Variants in ADGRL2 observed in about 807,000 individuals in gnomAD.
ADGRL2 encodes the protein adhesion G protein-coupled receptor L2.
Under a neutral mutation model 157.4 loss-of-function variants are expected in ADGRL2, and 44 were observed. The observed-to-expected ratio is 0.28, with a 90% CI of 0.22 to 0.36. The LOEUF is 0.36. ADGRL2 is among the 10% of genes least tolerant of loss of function. The probability of loss-of-function intolerance (pLI) is 1.00; values close to 1 mark genes in which losing one functional copy is unlikely to be tolerated. For missense variants in ADGRL2, 1,510 were observed against 1,768.9 expected (o/e 0.85, Z 2.63); for synonymous variants, 585 against 624.7 (o/e 0.94, Z 0.95).
At chr1:81,535,871 C>A (rs2079724156) in intron 2 of ADGRL2, among the ~76,000 whole-genome samples, 1 of 151,936 alleles carries the variant, frequency 6.6e-6, no homozygotes, top group South Asian at 2.1e-4. Context: ...TATAAAATGC[C>A]CAGGAAAAAA....
At chr1:81,484,803 C>G (rs965186962) in intron 2 of ADGRL2, among the ~76,000 whole-genome samples, 1 of 152,054 alleles carries the variant, frequency 6.6e-6, no homozygotes, top group African/African-American at 2.4e-5. Context: ...ATCTAAATAT[C>G]ATTTATTTGT....
intron 1 of ADGRL2, among the ~76,000 whole-genome samples, chr1:81,321,439 C>T (rs1660491454): frequency 6.6e-6 from 1 of 152,330 alleles, no homozygotes; most frequent in East Asian, 1.9e-4. Flanking sequence ...ATGCCTTTCT[C>T]ACTAAGCTTC....
At chr1:81,649,252 A>G (rs766675148) in intron 3 of ADGRL2, among the ~76,000 whole-genome samples, 1 of 152,138 alleles carries the variant, frequency 6.6e-6, no homozygotes. Context: ...TACCCTATCC[A>G]AAAGTGTACC....
At chr1:81,980,969 CTATAA>C (rs1661500091) in intron 18 of ADGRL2, 1 of 457,752 alleles carries the variant, frequency 2.2e-6, no homozygotes, top group African/African-American at 2.0e-5. Context: ...TATTTTTAAA[CTATAA>C]TATGCCTTTA....
chr1:81,923,387 T>G (rs12133546), intron 3 of ADGRL2, among the ~76,000 whole-genome samples: 5,713 of 152,266 alleles, frequency 0.038, 163 homozygotes, highest in Middle Eastern at 0.11. Context: ...TCCATTAATC[T>G]GAGAGTGTAT....
At chr1:81,658,468 T>C (rs960931279) in intron 3 of ADGRL2, among the ~76,000 whole-genome samples, 1 of 152,198 alleles carries the variant, frequency 6.6e-6, no homozygotes, top group Admixed American at 6.5e-5. Context: ...GTTACACAGA[T>C]ATGTTACACA....
rs189191835 is a variant in ADGRL2 at position 81,668,236 on chromosome 1, C to T, written c.-143+87256C>T. Among the ~76,000 whole-genome samples the T allele has an allele frequency of 1.2e-3, 177 of 152,036 alleles. 6 individuals are homozygous for T. The highest frequency in any genetic ancestry group is 0.012 in the Admixed American group (176 of 15,274). ...GGTCAGGAGTTCGAGACCGGCCTGA[C>T]CAACATGGTGAAATCTCATCTCTAC... On this transcript the variant is annotated intron_variant, in intron 3 of 24. Coordinates refer to the ADGRL2 transcript ENST00000370721.
chr1:81,707,595 C>T (rs2083779862), intron 1 of ADGRL2, among the ~76,000 whole-genome samples: 1 of 152,154 alleles, frequency 6.6e-6, no homozygotes, highest in Non-Finnish European at 1.5e-5. Flanking sequence ...ATAATCTGGA[C>T]AATCCTAAAT....
At chr1:81,855,433 C>T (rs1332883779) in intron 2 of ADGRL2, among the ~76,000 whole-genome samples, 1 of 151,948 alleles carries the variant, frequency 6.6e-6, no homozygotes, top group Admixed American at 6.6e-5. Flanking sequence ...AGAGCGAGGC[C>T]CTGTCTCAAA....
intron 1 of ADGRL2, among the ~76,000 whole-genome samples, chr1:81,756,410 A>G (rs754181085): frequency 2.2e-4 from 33 of 152,160 alleles, no homozygotes; most frequent in Non-Finnish European, 4.1e-4. Context: ...TGGCCACAAT[A>G]AAACAAGAAT....
intron 3 of ADGRL2, among the ~76,000 whole-genome samples, chr1:81,627,783 G>A (rs1158580336): frequency 1.3e-5 from 2 of 152,142 alleles, no homozygotes; most frequent in Non-Finnish European, 2.9e-5. Context: ...AGGGGACTTT[G>A]AGAGATCCTC....
At chr1:81,951,241 A>G in intron 8 of ADGRL2, 120 bp downstream of exon 8, 4 of 621,618 alleles carry the variant, frequency 6.4e-6, no homozygotes, top group South Asian at 4.5e-5. Flanking sequence ...ATAAAAGTAA[A>G]AAAAAATTAC....
intron 1 of ADGRL2, among the ~76,000 whole-genome samples, chr1:81,423,943 C>T (rs1166969673): frequency 6.6e-6 from 1 of 152,188 alleles, no homozygotes; most frequent in Non-Finnish European, 1.5e-5. Flanking sequence ...AAAAAGTGTT[C>T]AATCTACCAA....
intron 2 of ADGRL2, among the ~76,000 whole-genome samples, chr1:81,562,921 A>C (rs1445650098): frequency 6.6e-6 from 1 of 152,130 alleles, no homozygotes; most frequent in Non-Finnish European, 1.5e-5. Flanking sequence ...CAAGCATTTC[A>C]TTCATTTATT....
rs112876126 is a variant in ADGRL2 at position 81,788,695 on chromosome 1, T to G, written c.-101+26843T>G. Among the ~76,000 whole-genome samples, 1,234 of 152,244 alleles carry G rather than the reference T, an allele frequency of 8.1e-3. 15 individuals carry two copies. Among genetic ancestry groups the G allele is most frequent in the African/African-American group, 0.028 (1,183 of 41,544 alleles). Reference sequence around the variant, plus strand: ...CACCAAATGCTGCCAGATCTTTCCATTTTTTCTTCAGAAGTTGGAAATCCA... The same window carrying G: ...CACCAAATGCTGCCAGATCTTTCCAGTTTTTCTTCAGAAGTTGGAAATCCA... On this transcript the variant is annotated intron_variant, in intron 2 of 20. Transcript: ENST00000359929.
At chr1:81,336,193 CT>C (rs1194510408) in intron 1 of ADGRL2, among the ~76,000 whole-genome samples, 3 of 152,204 alleles carry the variant, frequency 2.0e-5, no homozygotes, top group African/African-American at 4.8e-5. Context: ...CACCTCCCTT[CT>C]TTGCCTGCAC....
At chr1:81,937,111 G>A (rs532143030) in intron 4 of ADGRL2, among the ~76,000 whole-genome samples, 1 of 152,002 alleles carries the variant, frequency 6.6e-6, no homozygotes, top group African/African-American at 2.4e-5. Flanking sequence ...CAATACGGCT[G>A]ATAGAAATCT....
intron 4 of ADGRL2, among the ~76,000 whole-genome samples, chr1:81,939,591 G>A (rs921797186): frequency 3.3e-5 from 5 of 151,434 alleles, no homozygotes; most frequent in African/African-American, 1.2e-4. Flanking sequence ...TGTGTAGTTA[G>A]TTTGGGTTAA....
intron 3 of ADGRL2, among the ~76,000 whole-genome samples, chr1:81,636,496 T>A (rs561775355): frequency 6.6e-6 from 1 of 152,224 alleles, no homozygotes; most frequent in Admixed American, 6.5e-5. Context: ...GAGGGACCCA[T>A]ACTCTAATTG....
Sources: allele counts gnomAD v4.1 joint callset (sites outside exome capture counted in the v4.1 genomes callset), GRCh38; gene constraint gnomAD v4.1.1; transcripts MANE v1.5; gene names NCBI Gene and HGNC (gene_info 2026-07-23, HGNC 2026-07-21).